VEZF1: variants seen among roughly 807,000 people sequenced by gnomAD.
VEZF1 encodes putative transcription factor DB1.
In VEZF1, 5 loss-of-function variants were observed where a neutral mutation model predicts 44.1. The observed-to-expected ratio is 0.11, with a 90% confidence interval of 0.06 to 0.24. The LOEUF (loss-of-function observed/expected upper bound fraction) is 0.24, where lower values mean the gene tolerates loss of function less well. Ranked by LOEUF, VEZF1 falls within the 10% of genes least tolerant of loss-of-function variation. The probability of loss-of-function intolerance (pLI) is 1.00; values close to 1 mark genes in which losing one functional copy is unlikely to be tolerated. For missense variants in VEZF1, 358 were observed against 641.8 expected, an observed-to-expected ratio of 0.56 and a Z score of 4.78; for synonymous variants, 236 against 233.1, an observed-to-expected ratio of 1.01 and a Z score of -0.11.
rs201537599 is a variant in VEZF1 at position 57,982,920 on chromosome 17, A to G, written c.507T>C (p.Pro169=). The G allele has an allele frequency of 5.1e-5, 82 of 1,614,212 alleles. 1 individual carries two copies. In the Admixed American group the frequency reaches 7.5e-4, roughly 15 times the overall value. Residue 169 remains proline (P), a synonymous_variant, in exon 2 of 6, where the codon CCT becomes CCC. Coordinates refer to ENST00000581208, the MANE Select transcript of VEZF1 (RefSeq NM_007146.3). ...VTQSVKKPSK[P]VKKNHACEMC... ...TCTCACAAGCATGGTTCTTCTTGAC[A>G]GGCTTACTGGGTTTCTTGACAGACT...
intron 1 of VEZF1, among the ~76,000 whole-genome samples, chr17:57,986,750 G>A (rs1316164241): frequency 6.6e-6 from 1 of 152,222 alleles, no homozygotes; most frequent in African/African-American, 2.4e-5. Context: ...AACTCCACTA[G>A]GATGAATCCA....
At chr17:57,979,433 G>C in intron 4 of VEZF1, 120 bp from the exon 5 acceptor site, 1 of 1,443,978 alleles carries the variant, frequency 6.9e-7, no homozygotes, top group East Asian at 2.4e-5. Flanking sequence ...CTCTTAGTAA[G>C]TGCATCTTTT....
intron 1 of VEZF1, among the ~76,000 whole-genome samples, chr17:57,984,500 T>A (rs2075278100): frequency 6.6e-6 from 1 of 152,230 alleles, no homozygotes; most frequent in South Asian, 2.1e-4. Flanking sequence ...CAAGCCCCTA[T>A]GCTTGAGTTT....
At chr17:57,985,998 A>G (rs2075289952) in intron 1 of VEZF1, 1 of 152,258 alleles carries the variant, frequency 6.6e-6, no homozygotes. Flanking sequence ...TCCATAGAAA[A>G]GACTGAAATA....
chr17:57,985,859 A>G (rs1414711370), intron 1 of VEZF1: 2 of 152,234 alleles, frequency 1.3e-5, no homozygotes, highest in African/African-American at 2.4e-5. Flanking sequence ...TCTGGAAAGC[A>G]AGCAGGTATT....
intron 4 of VEZF1, 91 bp downstream of exon 4, chr17:57,980,512 G>T: frequency 7.8e-7 from 1 of 1,280,480 alleles, no homozygotes; most frequent in Non-Finnish European, 1.1e-6. Flanking sequence ...AAACACGTAA[G>T]GTGAATATTA....
chr17:57,987,127 C>G (rs1475604169), intron 1 of VEZF1, among the ~76,000 whole-genome samples: 1 of 152,210 alleles, frequency 6.6e-6, no homozygotes, highest in Non-Finnish European at 1.5e-5. Flanking sequence ...AAAGCGAAGA[C>G]CAACATCCCA....
rs2075222099 is a variant in VEZF1, at chr17:57,979,243, T to TGC, written c.1046_1047insGC (p.Gln350HisfsTer8). On this transcript the variant is annotated frameshift_variant, in exon 5 of 6. Transcript: ENST00000581208. LOFTEE classifies it high-confidence loss of function. Reference sequence around the variant, plus strand: ...TTGTCACATGTTGTTGTTGTTGTTGTTGCTGCTGCTGCTGCTGCTGCTGCT... The same window carrying TGC: ...TTGTCACATGTTGTTGTTGTTGTTGTGCTGCTGCTGCTGCTGCTGCTGCTGCT... 40 of 1,596,978 alleles carry TGC rather than the reference T, an allele frequency of 2.5e-5. No individual in the cohort carries two copies. The highest frequency in any genetic ancestry group is 1.2e-4 in the Admixed American group (7 of 59,446).
chr17:57,976,039 G>A (rs1003875122), intron 5 of VEZF1, among the ~76,000 whole-genome samples: 7 of 151,972 alleles, frequency 4.6e-5, no homozygotes, highest in African/African-American at 7.3e-5. Context: ...CAAGCGATCC[G>A]TCCACCTCAG....
intron 1 of VEZF1, among the ~76,000 whole-genome samples, chr17:57,984,764 AAC>A (rs1350764287): frequency 1.3e-5 from 2 of 152,326 alleles, no homozygotes; most frequent in African/African-American, 4.8e-5. Context: ...ATGGCAGCAT[AAC>A]AGTTAAGCCT....
chr17:57,977,472 G>A (rs766693639), intron 5 of VEZF1, among the ~76,000 whole-genome samples: 1 of 152,088 alleles, frequency 6.6e-6, no homozygotes, highest in Non-Finnish European at 1.5e-5. Flanking sequence ...TGGAAGCTAG[G>A]AACAAGCAGC....
In VEZF1 at chr17:57,974,716, G is replaced by A; in HGVS notation, c.1323C>T (p.Asn441=). 6.2e-7 allele frequency: 1 copy of A among 1,614,144 alleles called. No individual in the cohort carries two copies. The highest frequency in any genetic ancestry group is 8.5e-7 in the Non-Finnish European group (1 of 1,180,030). ...TGGTTATAGTTACAGGATGCCCTAT[G>A]TTCATTGGGCTGGTTATGTTAACTG... is the stretch of plus-strand genomic sequence containing the variant. ...SSAVNITSPM[N]IGHPVTITSP... Residue 441 remains asparagine, a synonymous_variant, in exon 6 of 6, where the codon AAC becomes AAT. Coordinates refer to ENST00000581208, the MANE Select transcript of VEZF1 (RefSeq NM_007146.3).
In VEZF1 at chr17:57,974,682, A is replaced by G. The variant is rs1293696517; in HGVS notation, c.1357T>C (p.Ser453Pro). The change falls in exon 6 of 6, where the codon TCC becomes CCC. Residue 453 changes from serine to proline, a missense_variant. Physicochemically the swap from Ser to Pro is moderately conservative, Grantham distance 74 (BLOSUM62 -1). Coordinates refer to ENST00000581208, the MANE Select transcript of VEZF1 (RefSeq NM_007146.3). Reference protein sequence around the residue: ...GHPVTITSPLSMTSPLTLTTP... With the variant: ...GHPVTITSPLPMTSPLTLTTP... ...GTGAGTGTTAAAGGAGAGGTCATGG[A>G]TAATGGACTGGTTATAGTTACAGGA... The G allele has an allele frequency of 2.5e-6, 4 of 1,614,122 alleles. No homozygotes were observed. Among genetic ancestry groups the G allele is most frequent in the Middle Eastern group, 3.3e-4 (2 of 6,020 alleles).
chr17:57,978,137 AG>A (rs2075210298), intron 5 of VEZF1, among the ~76,000 whole-genome samples: 1 of 151,790 alleles, frequency 6.6e-6, no homozygotes, highest in Non-Finnish European at 1.5e-5. Flanking sequence ...CAGGAGGCGG[AG>A]GCTGCAGTGA....
intron 5 of VEZF1, among the ~76,000 whole-genome samples, chr17:57,977,406 T>A (rs532331364): frequency 1.3e-4 from 20 of 152,056 alleles, no homozygotes; most frequent in Non-Finnish European, 2.2e-4. Context: ...GAATTATAGG[T>A]GTGAGCCATC....
intron 1 of VEZF1, among the ~76,000 whole-genome samples, chr17:57,984,645 T>A (rs1261562915): frequency 6.6e-6 from 1 of 151,974 alleles, no homozygotes; most frequent in Non-Finnish European, 1.5e-5. Flanking sequence ...TAACCACAAG[T>A]CCCACAGCTA....
In VEZF1 at chr17:57,973,537, G is replaced by C. The variant is rs1367782751; in HGVS notation, c.*936C>G. 6.6e-6 allele frequency: 1 copy of C among 152,504 alleles called. No homozygotes were observed. The highest frequency in any genetic ancestry group is 2.4e-5 in the African/African-American group (1 of 41,402). The allele number at this position is 152,504 out of a possible 1,614,324, so 9.4% of individuals were successfully genotyped here. A position where few individuals can be genotyped will look rare whatever the true frequency, so the allele number is the denominator to read the frequency against. On this transcript the variant is annotated 3_prime_UTR_variant, in exon 6 of 6. Transcript: ENST00000581208. ...TGTAATATCAACAGGCTCTGATTGGGAGAGAGAGGGGCATATCACATCCCA... is the reference window on the plus strand; with the variant it reads ...TGTAATATCAACAGGCTCTGATTGGCAGAGAGAGGGGCATATCACATCCCA...
At chr17:57,979,432 A>C in intron 4 of VEZF1, 119 bp from the exon 5 acceptor site, 8 of 1,455,774 alleles carry the variant, frequency 5.5e-6, no homozygotes, top group Non-Finnish European at 7.3e-6. Flanking sequence ...GCTCTTAGTA[A>C]GTGCATCTTT....
intron 3 of VEZF1, 79 bp downstream of exon 3, chr17:57,981,794 G>T: frequency 1.5e-6 from 2 of 1,359,754 alleles, no homozygotes; most frequent in Non-Finnish European, 2.1e-6. Context: ...ATTCAAGAAT[G>T]GTGAGATTCA....
Sources: allele counts gnomAD v4.1 joint callset (sites outside exome capture counted in the v4.1 genomes callset), GRCh38; gene constraint gnomAD v4.1.1; transcripts MANE v1.5; gene names NCBI Gene and HGNC (gene_info 2026-07-23, HGNC 2026-07-21).